The following HTR1F variants were observed in gnomAD, a reference collection of about 807,000 sequenced individuals.
The protein encoded by HTR1F is 5-hydroxytryptamine receptor 1F.
Under a neutral mutation model 24.0 loss-of-function variants are expected in HTR1F, and 17 were observed. The observed-to-expected ratio is 0.71, with a 90% CI of 0.48 to 1.06. The LOEUF is 1.06. Among genes scored for constraint, HTR1F ranks in the 50% least tolerant of loss-of-function variants. The probability of loss-of-function intolerance (pLI) is 0.00; values close to 1 mark genes in which losing one functional copy is unlikely to be tolerated. For missense variants in HTR1F, 391 were observed against 427.8 expected, an observed-to-expected ratio of 0.91 and a Z score of 0.76; for synonymous variants, 186 against 156.8, an observed-to-expected ratio of 1.19 and a Z score of -1.39.
intron 2 of HTR1F, among the ~76,000 whole-genome samples, chr3:87,947,081 T>C (rs1253611392): frequency 6.6e-6 from 1 of 152,242 alleles, no homozygotes; most frequent in Non-Finnish European, 1.5e-5. Flanking sequence ...TTCAAGTGTG[T>C]CTTTCAATGA....
At chr3:87,881,570 T>C (rs966727043) in intron 2 of HTR1F, among the ~76,000 whole-genome samples, 3 of 152,144 alleles carry the variant, frequency 2.0e-5, no homozygotes, top group African/African-American at 7.2e-5. Context: ...TCTACAACTA[T>C]CTGATCTTTG....
intron 1 of HTR1F, among the ~76,000 whole-genome samples, chr3:87,813,418 T>C (rs927240310): frequency 6.6e-6 from 1 of 152,242 alleles, no homozygotes; most frequent in African/African-American, 2.4e-5. Context: ...CCATTATATC[T>C]TGAAAGTAAC....
At chr3:87,875,229 T>C (rs1455649035) in intron 2 of HTR1F, among the ~76,000 whole-genome samples, 2 of 152,050 alleles carry the variant, frequency 1.3e-5, no homozygotes, top group Non-Finnish European at 2.9e-5. Context: ...GGCAGGTGGA[T>C]CACTTGAGGT....
At chr3:87,906,777 T>A (rs1703677298) in intron 2 of HTR1F, among the ~76,000 whole-genome samples, 1 of 151,940 alleles carries the variant, frequency 6.6e-6, no homozygotes, top group South Asian at 2.1e-4. Flanking sequence ...CACTTGTAAG[T>A]GAGAACATAT....
intron 2 of HTR1F, among the ~76,000 whole-genome samples, chr3:87,850,664 TA>T (rs1349823678): frequency 1.3e-5 from 2 of 151,714 alleles, no homozygotes; most frequent in Non-Finnish European, 2.9e-5. Flanking sequence ...ATTCAAAAAT[TA>T]AGTATGTCAA....
intron 2 of HTR1F, among the ~76,000 whole-genome samples, chr3:87,943,073 T>G (rs1308562571): frequency 3.9e-5 from 6 of 152,192 alleles, no homozygotes; most frequent in African/African-American, 1.4e-4. Flanking sequence ...TTAGTCCTCC[T>G]AGCACGCAAG....
chr3:87,839,657 A>G (rs1384055118), intron 2 of HTR1F, among the ~76,000 whole-genome samples: 2 of 152,050 alleles, frequency 1.3e-5, no homozygotes, highest in African/African-American at 2.4e-5. Context: ...GTACATGTAC[A>G]TGATTGTTAC....
intron 2 of HTR1F, among the ~76,000 whole-genome samples, chr3:87,959,198 A>G (rs746745168): frequency 2.0e-5 from 3 of 151,926 alleles, no homozygotes; most frequent in Non-Finnish European, 4.4e-5. Context: ...CTAGAAATAG[A>G]GTGAGTTCAA....
At chr3:87,978,434 T>C (rs1027572316) in intron 2 of HTR1F, among the ~76,000 whole-genome samples, 7 of 152,168 alleles carry the variant, frequency 4.6e-5, no homozygotes, top group African/African-American at 1.7e-4. Context: ...GGTGAAGGGC[T>C]GCTTTATTGA....
intron 2 of HTR1F, among the ~76,000 whole-genome samples, chr3:87,955,826 A>G (rs1413805253): frequency 6.6e-6 from 1 of 151,432 alleles, no homozygotes; most frequent in Non-Finnish European, 1.5e-5. Flanking sequence ...GGACTATTCA[A>G]ATATCTTCTT....
intron 2 of HTR1F, among the ~76,000 whole-genome samples, chr3:87,863,548 G>A (rs186320633): frequency 4.3e-4 from 65 of 152,144 alleles, no homozygotes; most frequent in Non-Finnish European, 5.6e-4. Context: ...TATATATCAG[G>A]GATTTATTTT....
At chr3:87,946,217 G>A (rs1056510954) in intron 2 of HTR1F, among the ~76,000 whole-genome samples, 10 of 152,180 alleles carry the variant, frequency 6.6e-5, no homozygotes, top group South Asian at 2.1e-4. Context: ...AGGGGTGGAA[G>A]TCAGCGGCGG....
At chr3:87,895,330 G>A (rs1239184790) in intron 2 of HTR1F, among the ~76,000 whole-genome samples, 1 of 151,924 alleles carries the variant, frequency 6.6e-6, no homozygotes, top group African/African-American at 2.4e-5. Context: ...ATGGACAAAG[G>A]ACTTGAATAG....
intron 2 of HTR1F, among the ~76,000 whole-genome samples, chr3:87,950,084 C>A (rs767352526): frequency 6.6e-6 from 1 of 152,138 alleles, no homozygotes; most frequent in Non-Finnish European, 1.5e-5. Flanking sequence ...ACCTTTGTAA[C>A]AGTCTTCTCT....
At chr3:87,970,493 T>C (rs1405675013) in intron 2 of HTR1F, among the ~76,000 whole-genome samples, 1 of 152,210 alleles carries the variant, frequency 6.6e-6, no homozygotes, top group Non-Finnish European at 1.5e-5. Context: ...AATGTTTCCC[T>C]GAGCGAGGGC....
intron 2 of HTR1F, among the ~76,000 whole-genome samples, chr3:87,899,604 G>A (rs747963219): frequency 1.3e-5 from 2 of 152,058 alleles, no homozygotes; most frequent in Admixed American, 6.6e-5. Flanking sequence ...GGTGACTCAC[G>A]CCTGTAATCC....
At position 87,865,786 on chromosome 3, in the gene HTR1F, G is replaced by A. The variant is rs147649057; in HGVS notation, c.-43+43662G>A. Among the ~76,000 whole-genome samples the A allele has an allele frequency of 8.1e-3, 1,232 of 152,034 alleles. 26 individuals carry two copies. The highest frequency in any genetic ancestry group is 0.028 in the African/African-American group (1,168 of 41,484). ...GATATTTTGATTGTTTCTGGTATGGGACTATTACAGATAGACTACTGTGAA... is the reference window on the plus strand; with the variant it reads ...GATATTTTGATTGTTTCTGGTATGGAACTATTACAGATAGACTACTGTGAA... On this transcript the variant is annotated intron_variant, in intron 2 of 2. Coordinates refer to ENST00000319595, the MANE Select transcript of HTR1F (RefSeq NM_001322209.2).
intron 2 of HTR1F, among the ~76,000 whole-genome samples, chr3:87,945,919 TG>T (rs1048989647): frequency 1.3e-5 from 2 of 152,016 alleles, no homozygotes; most frequent in Admixed American, 1.3e-4. Flanking sequence ...AAAATGGCGG[TG>T]GGCCACTTCC....
intron 2 of HTR1F, among the ~76,000 whole-genome samples, chr3:87,927,457 A>G (rs1339722807): frequency 6.6e-6 from 1 of 152,170 alleles, no homozygotes; most frequent in Non-Finnish European, 1.5e-5. Context: ...CAGATCCAGA[A>G]AATGTGTCTT....
Sources: allele counts gnomAD v4.1 joint callset (sites outside exome capture counted in the v4.1 genomes callset), GRCh38; gene constraint gnomAD v4.1.1; transcripts MANE v1.5; gene names NCBI Gene and HGNC (gene_info 2026-07-23, HGNC 2026-07-21).